Variants in CARD14 observed in about 807,000 individuals in gnomAD.
The protein encoded by CARD14 is caspase recruitment domain-containing protein 14.
In CARD14, 107 loss-of-function variants were observed where a neutral mutation model predicts 111.5. The observed-to-expected ratio is 0.96, with a 90% CI of 0.82 to 1.13. The LOEUF (loss-of-function observed/expected upper bound fraction) is 1.13, where lower values mean the gene tolerates loss of function less well. Ranked by LOEUF, CARD14 falls within the 50% of genes most tolerant of loss-of-function variation. The pLI, the probability that CARD14 is intolerant of heterozygous loss-of-function variation, is 0.00. For missense variants in CARD14, 1,322 were observed against 1,362.3 expected (o/e 0.97, Z 0.47); for synonymous variants, 617 against 579.6 (o/e 1.06, Z -0.93).
chr17:80,186,846 G>T (rs573824488), intron 7 of CARD14, among the ~76,000 whole-genome samples: 1 of 152,136 alleles, frequency 6.6e-6, no homozygotes, highest in Non-Finnish European at 1.5e-5. Flanking sequence ...CACCACGCCC[G>T]GCCTCCTGCC....
In CARD14 at chr17:80,198,521, T is replaced by C; in HGVS notation, c.1781T>C (p.Phe594Ser). 1 of 1,613,284 alleles carries C rather than the reference T, an allele frequency of 6.2e-7. No individual in the cohort carries two copies. Among genetic ancestry groups the C allele is most frequent in the Non-Finnish European group, 8.5e-7 (1 of 1,179,938 alleles). Residue 594 changes from phenylalanine (F) to serine (S), a missense_variant, in exon 16 of 24, where the codon TTC becomes TCC. Phe to Ser is a radical substitution (Grantham distance 155). Coordinates refer to ENST00000648509, the MANE Select transcript of CARD14 (RefSeq NM_001366385.1). This position sits in a 1 kb window ranked among gnomAD's most constrained non-coding sequence, Gnocchi z 7.5. ...SVIGGNLTGI[F>S]IHRVTPGSAA... ...ATCGGCGGGAACCTCACGGGCATCT[T>C]CATCCACCGGGTCACCCCGGGCTCG...
At chr17:80,207,208 C>A in intron 23 of CARD14, 123 bp downstream of exon 23, 1 of 627,208 alleles carries the variant, frequency 1.6e-6, no homozygotes, top group Non-Finnish European at 2.7e-6. Context: ...CTGACAGGGC[C>A]GTTTCCGCAC....
chr17:80,183,077 C>T (rs548999842), intron 6 of CARD14, among the ~76,000 whole-genome samples: 2 of 152,308 alleles, frequency 1.3e-5, no homozygotes, highest in South Asian at 4.1e-4. Context: ...CTTGGAGAGA[C>T]ACAAGCAAAG....
chr17:80,204,327 C>A lies in CARD14; in HGVS notation c.2384C>A (p.Pro795His). The stretch of plus-strand genomic sequence containing the variant: ...TCCTTTGACAGGGGCCAGTTGGACC[C>A]CAGCAGGATGGAGGGTGAGGCCTGG... ...RLSFDRGQLD[P>H]SRMEGSSTCF... is the part of the protein sequence containing the mutation. The change falls in exon 20 of 24, where the codon CCC becomes CAC. Residue 795 changes from proline (P) to histidine (H), a missense_variant. Transcript: ENST00000648509. The A allele has an allele frequency of 1.3e-6, 2 of 1,579,440 alleles. No individual in the cohort carries two copies. The highest frequency in any genetic ancestry group is 2.3e-5 in the East Asian group (1 of 43,210).
chr17:80,209,020 T>G lies in CARD14; in HGVS notation c.*675T>G, dbSNP rs1283654054. 3 of 152,188 alleles carry G rather than the reference T, an allele frequency of 2.0e-5. No homozygotes were observed. Among genetic ancestry groups the G allele is most frequent in the Non-Finnish European group, 2.9e-5 (2 of 68,168 alleles). The allele number at this position is 152,188 out of a possible 1,614,324, so 9.4% of individuals were successfully genotyped here. On this transcript the variant is annotated 3_prime_UTR_variant, in exon 24 of 24. Coordinates refer to ENST00000648509, the MANE Select transcript of CARD14 (RefSeq NM_001366385.1). ...GGCCCCTGTGCCTGTTCGGTGGGGG[T>G]GTCCCAGAGAAGCCTGGCACCAGTA...
chr17:80,189,602 C>G lies in CARD14; in HGVS notation c.844-151C>G. ...TCCCAGGCATGATGGGTGGCTTTTC[C>G]GTGGCTTCTCTCCTGCCCGGTGTAG... is the stretch of plus-strand genomic sequence containing the variant. On this transcript the variant is annotated intron_variant, in intron 8 of 23. Coordinates refer to ENST00000648509, the MANE Select transcript of CARD14 (RefSeq NM_001366385.1). This position sits in a 1 kb window ranked among gnomAD's most constrained non-coding sequence, Gnocchi z 4.7. 2 of 1,025,950 alleles carry G rather than the reference C, an allele frequency of 1.9e-6. No individual in the cohort carries two copies. Among genetic ancestry groups the G allele is most frequent in the Non-Finnish European group, 1.3e-6 (1 of 752,492 alleles). 63.6% of individuals were successfully genotyped at this position (1,025,950 alleles called of 1,614,324 possible).
chr17:80,183,002 A>C (rs1015552370), intron 6 of CARD14, among the ~76,000 whole-genome samples: 1 of 152,146 alleles, frequency 6.6e-6, no homozygotes, highest in African/African-American at 2.4e-5. Flanking sequence ...TTGACTCTGA[A>C]GGGTCGGTCC....
Position 80,182,753 on chromosome 17 carries a change from C to T in CARD14, c.312C>T (p.Thr104=), listed in dbSNP as rs768362011. ...ACCCTGACGTCTACACCCTGGTCAC[C>T]GGGCTGCAGCCTGATGTTGACTTCA... ...FHNPDVYTLV[T]GLQPDVDFSN... The change falls in exon 6 of 24, where the codon ACC becomes ACT. Residue 104 remains threonine (T), a synonymous_variant. Transcript: ENST00000648509. This position sits in a 1 kb window ranked among gnomAD's most constrained non-coding sequence, Gnocchi z 4.7. The T allele has an allele frequency of 6.7e-5, 108 of 1,614,044 alleles. No individual in the cohort carries two copies. The East Asian group carries it at 6.9e-4, about 10-fold the overall frequency.
chr17:80,207,424 G>A (rs1164279969), intron 23 of CARD14, among the ~76,000 whole-genome samples: 2 of 152,164 alleles, frequency 1.3e-5, no homozygotes, highest in East Asian at 1.9e-4. Flanking sequence ...GGCGGCGGGC[G>A]CCTGTAATCC....
chr17:80,181,705 C>T (rs1198615617), intron 5 of CARD14, 56 bp downstream of exon 5: 2 of 1,445,912 alleles, frequency 1.4e-6, no homozygotes, highest in Non-Finnish European at 9.3e-7. Context: ...CCACATGGCT[C>T]CACTGTCTGC....
In CARD14 at chr17:80,202,394, GC is replaced by G; in HGVS notation, c.2194del (p.His732ThrfsTer15). On this transcript the variant is annotated frameshift_variant, in exon 18 of 24. Transcript: ENST00000648509. LOFTEE classifies it high-confidence loss of function. The part of the protein sequence containing the change: ...NSYTMKDTAA[H>X]GTIPNYSRAQ... ...CTTACACCATGAAGGATACTGCCGC[GC>G]ACGGCACCATCCCCAACTACTCCAG... 6.2e-7 allele frequency: 1 copy of G among 1,612,880 alleles called. No homozygotes were observed. The highest frequency in any genetic ancestry group is 8.5e-7 in the Non-Finnish European group (1 of 1,179,900).
chr17:80,204,656 C>A, intron 20 of CARD14: 1 of 386,702 alleles, frequency 2.6e-6, no homozygotes. Flanking sequence ...GAGAGGAGTA[C>A]AGGACAGAGG....
At chr17:80,181,960 T>C (rs1057411646) in intron 5 of CARD14, among the ~76,000 whole-genome samples, 1 of 152,238 alleles carries the variant, frequency 6.6e-6, no homozygotes, top group Non-Finnish European at 1.5e-5. Flanking sequence ...CTAGTGTTTA[T>C]TCATTAAAAA....
At chr17:80,172,746 C>G (rs868121090) in intron 1 of CARD14, among the ~76,000 whole-genome samples, 160 bp from the exon 2 acceptor site, 33 of 152,186 alleles carry the variant, frequency 2.2e-4, no homozygotes, top group South Asian at 6.2e-4. Flanking sequence ...CCCCAGTGTT[C>G]TGTGGCGAAC....
rs1276357042 is a variant in CARD14, at chr17:80,189,724, C to A, written c.844-29C>A. On this transcript the variant is annotated intron_variant, in intron 8 of 23. Transcript: ENST00000648509. This position sits in a 1 kb window ranked among gnomAD's most constrained non-coding sequence, Gnocchi z 4.7. ...TAGGGCAGGCCTCTGGGGAAGCCAGCACCCCAGGCTGACCTCTCTCTGCCC... is the reference window on the plus strand; with the variant it reads ...TAGGGCAGGCCTCTGGGGAAGCCAGAACCCCAGGCTGACCTCTCTCTGCCC... 6.6e-7 allele frequency: 1 copy of A among 1,526,598 alleles called. No individual in the cohort carries two copies. 94.6% of individuals were successfully genotyped at this position (1,526,598 alleles called of 1,614,324 possible). A position where few individuals can be genotyped will look rare whatever the true frequency, so the allele number is the denominator to read the frequency against.
chr17:80,186,027 A>G (rs967134139), intron 7 of CARD14, among the ~76,000 whole-genome samples: 1 of 152,174 alleles, frequency 6.6e-6, no homozygotes, highest in Non-Finnish European at 1.5e-5. Flanking sequence ...CTTCCCTGCA[A>G]CTGATAAATA....
chr17:80,182,960 T>G lies in CARD14; in HGVS notation c.349+170T>G, dbSNP rs2040220468. 6.6e-6 allele frequency among the ~76,000 whole-genome samples: 1 copy of G among 152,058 alleles called. No homozygotes were observed. The highest frequency in any genetic ancestry group is 1.5e-5 in the Non-Finnish European group (1 of 68,006). ...AGGGTGAGGAACCCCCTCACTGTAT[T>G]GGGGTTGGATAGGATAAGGAGCCCC... On this transcript the variant is annotated intron_variant, in intron 6 of 23. Transcript: ENST00000648509. This position sits in a 1 kb window ranked among gnomAD's most constrained non-coding sequence, Gnocchi z 4.7.
chr17:80,204,518 G>A (rs1425868413), intron 20 of CARD14, 177 bp downstream of exon 20: 2 of 558,754 alleles, frequency 3.6e-6, no homozygotes, highest in Non-Finnish European at 6.0e-6. Flanking sequence ...CAGATACTCG[G>A]GAGGCTGAGG....
At chr17:80,183,673 G>T (rs984014673) in intron 6 of CARD14, among the ~76,000 whole-genome samples, 1 of 152,200 alleles carries the variant, frequency 6.6e-6, no homozygotes, top group Non-Finnish European at 1.5e-5. Context: ...GGGCAAGGCT[G>T]TGGGGGCATG....
Sources: allele counts gnomAD v4.1 joint callset (sites outside exome capture counted in the v4.1 genomes callset), GRCh38; gene constraint gnomAD v4.1.1; non-coding constraint Gnocchi (gnomAD v3.1); transcripts MANE v1.5; gene names NCBI Gene and HGNC (gene_info 2026-07-23, HGNC 2026-07-21).